The following FHIT variants were observed in gnomAD, a reference collection of about 807,000 sequenced individuals.
FHIT encodes the protein fragile histidine triad diadenosine triphosphatase, also known as bis(5'-adenosyl)-triphosphatase.
FHIT carries 19 observed loss-of-function variants against 17.9 expected under a neutral mutation model. The observed-to-expected ratio is 1.06, with a 90% CI of 0.74 to 1.56. The LOEUF (loss-of-function observed/expected upper bound fraction) is 1.56. Ranked by LOEUF, FHIT falls within the 40% of genes most tolerant of loss-of-function variation. The pLI is 0.00. For synonymous variants in FHIT, 81 were observed against 69.7 expected (o/e 1.16, Z -0.81); for missense variants, 248 against 189.2 (o/e 1.31, Z -1.82).
At chr3:61,152,460 A>C (rs2037421632) in intron 2 of FHIT, among the ~76,000 whole-genome samples, 1 of 152,246 alleles carries the variant, frequency 6.6e-6, no homozygotes, top group South Asian at 2.1e-4. Flanking sequence ...ATTTCCTTGT[A>C]CAATTAACTT....
chr3:60,273,627 G>C (rs1220098001), intron 5 of FHIT, among the ~76,000 whole-genome samples: 2 of 151,872 alleles, frequency 1.3e-5, no homozygotes, highest in Admixed American at 6.6e-5. Context: ...AAAGAAAAAA[G>C]CCTCATTATT....
intron 5 of FHIT, among the ~76,000 whole-genome samples, chr3:60,125,884 C>T (rs1183327657): frequency 6.6e-6 from 1 of 152,148 alleles, no homozygotes; most frequent in African/African-American, 2.4e-5. Context: ...ACGTGTTATT[C>T]ATTCAGAACA....
intron 1 of FHIT, among the ~76,000 whole-genome samples, chr3:61,225,806 G>C (rs1374389115): frequency 6.6e-6 from 1 of 152,188 alleles, no homozygotes; most frequent in East Asian, 1.9e-4. Flanking sequence ...CACCATGTTA[G>C]TACTTTTCAC....
chr3:60,655,253 G>C (rs1247605994), intron 4 of FHIT, among the ~76,000 whole-genome samples: 2 of 152,196 alleles, frequency 1.3e-5, no homozygotes, highest in Non-Finnish European at 2.9e-5. Context: ...ACTGGGAACT[G>C]TTACTTTGCA....
intron 5 of FHIT, among the ~76,000 whole-genome samples, chr3:60,480,753 A>C (rs2033572205): frequency 6.6e-6 from 1 of 152,222 alleles, no homozygotes; most frequent in African/African-American, 2.4e-5. Flanking sequence ...GGCCTTGGGC[A>C]GCTCTACCTC....
chr3:61,023,753 A>G (rs1280702977), intron 3 of FHIT, among the ~76,000 whole-genome samples: 1 of 152,234 alleles, frequency 6.6e-6, no homozygotes, highest in African/African-American at 2.4e-5. Flanking sequence ...TGGGGAAAGG[A>G]GTCCCTATTT....
intron 5 of FHIT, among the ~76,000 whole-genome samples, chr3:60,246,830 C>A (rs1235231200): frequency 1.3e-5 from 2 of 152,084 alleles, no homozygotes; most frequent in Non-Finnish European, 2.9e-5. Context: ...TCTTGACCTG[C>A]CAAATGTTCC....
chr3:60,111,411 G>T (rs1704664088), intron 5 of FHIT, among the ~76,000 whole-genome samples: 1 of 152,114 alleles, frequency 6.6e-6, no homozygotes, highest in Non-Finnish European at 1.5e-5. Context: ...ACAAAAGTTG[G>T]TAGTGAGATC....
At chr3:59,766,754 A>G (rs1389671483) in intron 8 of FHIT, among the ~76,000 whole-genome samples, 2 of 152,204 alleles carry the variant, frequency 1.3e-5, no homozygotes, top group Non-Finnish European at 2.9e-5. Context: ...TCTTCTGCCT[A>G]TCATTGGGGA....
At chr3:60,455,608 C>G (rs1947162) in intron 5 of FHIT, among the ~76,000 whole-genome samples, 28,776 of 151,834 alleles carry the variant, frequency 0.19, 2,886 homozygotes, top group Admixed American at 0.29. Context: ...TATCAGGATT[C>G]CTAAAAAGAG....
At chr3:60,052,296 C>T (rs991260265) in intron 5 of FHIT, among the ~76,000 whole-genome samples, 1 of 152,064 alleles carries the variant, frequency 6.6e-6, no homozygotes, top group African/African-American at 2.4e-5. Flanking sequence ...GGCAGCTTTG[C>T]CTATCACGAG....
chr3:60,835,035 T>A (rs1278846859), intron 3 of FHIT, among the ~76,000 whole-genome samples: 2 of 152,138 alleles, frequency 1.3e-5, no homozygotes, highest in South Asian at 2.1e-4. Context: ...TTCCAAAGAT[T>A]TTTCTCTAAT....
At chr3:60,363,324 G>C (rs2107011603) in intron 5 of FHIT, among the ~76,000 whole-genome samples, 1 of 152,204 alleles carries the variant, frequency 6.6e-6, no homozygotes. Flanking sequence ...AATTTTGCTT[G>C]ATCTTTGTGA....
chr3:60,214,722 C>T (rs543088544), intron 5 of FHIT, among the ~76,000 whole-genome samples: 1 of 152,264 alleles, frequency 6.6e-6, no homozygotes, highest in East Asian at 1.9e-4. Context: ...CTCCTATGTT[C>T]ATTGCAGTAC....
intron 1 of FHIT, among the ~76,000 whole-genome samples, chr3:61,247,939 G>T (rs2040525618): frequency 6.6e-6 from 1 of 152,094 alleles, no homozygotes; most frequent in Non-Finnish European, 1.5e-5. Context: ...TGTCTAAAAG[G>T]CACAGCTGGG....
At chr3:60,988,498 C>T (rs1350516460) in intron 3 of FHIT, among the ~76,000 whole-genome samples, 2 of 152,060 alleles carry the variant, frequency 1.3e-5, no homozygotes, top group African/African-American at 2.4e-5. Context: ...GCAATGTGAA[C>T]ATAGAACCAA....
At chr3:61,181,764 T>C (rs2038351181) in intron 2 of FHIT, among the ~76,000 whole-genome samples, 1 of 152,240 alleles carries the variant, frequency 6.6e-6, no homozygotes. Flanking sequence ...CTAATTACTA[T>C]TCTTGGAGAA....
intron 5 of FHIT, among the ~76,000 whole-genome samples, chr3:60,286,424 C>T (rs922951094): frequency 1.3e-5 from 2 of 152,064 alleles, no homozygotes; most frequent in African/African-American, 4.8e-5. Flanking sequence ...TTCTAAGTCC[C>T]TTGGAAGTAT....
At chr3:60,218,925 A>G (rs961856902) in intron 5 of FHIT, among the ~76,000 whole-genome samples, 2 of 152,074 alleles carry the variant, frequency 1.3e-5, no homozygotes, top group Admixed American at 1.3e-4. Context: ...TCCTGCTTCT[A>G]AACAAAGGTA....
Sources: allele counts gnomAD v4.1 joint callset (sites outside exome capture counted in the v4.1 genomes callset), GRCh38; gene constraint gnomAD v4.1.1; transcripts MANE v1.5; gene names NCBI Gene and HGNC (gene_info 2026-07-23, HGNC 2026-07-21).